Variants in PSME4 observed in about 807,000 individuals in gnomAD.
PSME4 encodes proteasome activator complex subunit 4.
PSME4 carries 89 observed loss-of-function variants against 253.9 expected under a neutral mutation model. The observed-to-expected ratio is 0.35, with a 90% CI of 0.30 to 0.42. The LOEUF is 0.42. Ranked by LOEUF, PSME4 falls within the 10% of genes least tolerant of loss-of-function variation. The probability of loss-of-function intolerance (pLI) is 1.00; values close to 1 mark genes in which losing one functional copy is unlikely to be tolerated. For synonymous variants in PSME4, 851 were observed against 759.2 expected (o/e 1.12, Z -1.99); for missense variants, 2,014 against 2,195.2 (o/e 0.92, Z 1.65).
chr2:53,950,783 G>T (rs1352924931), intron 1 of PSME4, among the ~76,000 whole-genome samples: 3 of 150,208 alleles, frequency 2.0e-5, no homozygotes, highest in African/African-American at 7.3e-5. Context: ...GGAGGTTGCG[G>T]TGAGCCAAGA....
At position 53,970,738 on chromosome 2, in the gene PSME4, C is replaced by A; in HGVS notation, c.47G>T (p.Gly16Val). 1 of 1,547,126 alleles carries A rather than the reference C, an allele frequency of 6.5e-7. No homozygotes were observed. The highest frequency in any genetic ancestry group is 1.2e-5 in the South Asian group (1 of 83,890). Residue 16 changes from glycine to valine, a missense_variant, in exon 1 of 47, where the codon GGC (glycine) becomes GTC (valine). By Grantham distance (109) the Gly-to-Val change is moderately radical. This residue lies in a region of PSME4 where 615 missense variants were observed against 594.4 expected (regional missense o/e 1.03). Transcript: ENST00000404125. ...RAGVGEPPEP[G>V]GRPEPGPRGF... ...CCGCGGGCCCGGCTCGGGACGCCCG[C>A]CCGGCTCCGGGGGCTCTCCGACTCC... is the stretch of plus-strand genomic sequence containing the variant.
intron 34 of PSME4, 150 bp from the exon 35 acceptor site, chr2:53,893,949 T>C (rs1316243414): frequency 1.6e-6 from 2 of 1,271,560 alleles, no homozygotes; most frequent in East Asian, 3.2e-5. Flanking sequence ...CTACAGTGAT[T>C]TCTAAAACCA....
intron 1 of PSME4, among the ~76,000 whole-genome samples, chr2:53,963,322 C>T (rs543455202): frequency 6.6e-6 from 1 of 151,950 alleles, no homozygotes; most frequent in Non-Finnish European, 1.5e-5. Context: ...GAGACCAAGA[C>T]CATCTCTTCA....
At position 53,970,803 on chromosome 2, in the gene PSME4, C is replaced by G. The variant is rs1436669740; in HGVS notation, c.-19G>C. 9 of 1,487,598 alleles carry G rather than the reference C, an allele frequency of 6.1e-6. No homozygotes were observed. Among genetic ancestry groups the G allele is most frequent in the East Asian group, 2.5e-5 (1 of 39,860 alleles). The allele number at this position is 1,487,598 out of a possible 1,614,324, so 92.1% of individuals were successfully genotyped here. ...GCTCCATGAGCCCAGGGACACCCCC[C>G]CCACCCCCTCCCACCCGAACCCTCC... On this transcript the variant is annotated 5_prime_UTR_variant, in exon 1 of 47. Transcript: ENST00000404125.
At chr2:53,937,045 T>C (rs1669158687) in intron 5 of PSME4, among the ~76,000 whole-genome samples, 2 of 152,232 alleles carry the variant, frequency 1.3e-5, no homozygotes, top group South Asian at 2.1e-4. Context: ...CAGATTAAAC[T>C]TCTGCTTCAT....
At position 53,936,080 on chromosome 2, in the gene PSME4, T is replaced by C; in HGVS notation, c.834+7A>G. On this transcript the variant is annotated splice_region_variant and intron_variant, in intron 7 of 46. Coordinates refer to ENST00000404125, the MANE Select transcript of PSME4 (RefSeq NM_014614.3). Reference sequence around the variant, plus strand: ...CTGATAATTTTTTTCCCCAAAATGTTAATTACCTTTGGTACATATGGATCC... The same window carrying C: ...CTGATAATTTTTTTCCCCAAAATGTCAATTACCTTTGGTACATATGGATCC... 6.2e-7 allele frequency: 1 copy of C among 1,610,492 alleles called. No individual in the cohort carries two copies. Among genetic ancestry groups the C allele is most frequent in the Non-Finnish European group, 8.5e-7 (1 of 1,178,268 alleles).
At chr2:53,887,530 A>G in intron 39 of PSME4, 63 bp from the exon 40 acceptor site, 1 of 1,419,604 alleles carries the variant, frequency 7.0e-7, no homozygotes, top group Non-Finnish European at 9.7e-7. Context: ...ATGAGGTTCA[A>G]AAGTTATGAC....
chr2:53,936,773 T>C lies in PSME4; in HGVS notation c.750A>G (p.Gln250=), dbSNP rs138053316. ...GLWVSVQNLP[Q]WEGQLVNLFA... is the part of the protein sequence containing the mutation. ...AAAAAGGGATACTTACCCCCTCCCATTGTGGGAGATTTTGCACTGAAACCC... is the reference window on the plus strand; with the variant it reads ...AAAAAGGGATACTTACCCCCTCCCACTGTGGGAGATTTTGCACTGAAACCC... The change falls in exon 6 of 47, where the codon CAA becomes CAG. Residue 250 remains glutamine, a synonymous_variant. Coordinates refer to ENST00000404125, the MANE Select transcript of PSME4 (RefSeq NM_014614.3). 8.2e-5 allele frequency: 130 copies of C among 1,588,306 alleles called. No homozygotes were observed. The African/African-American group carries it at 1.4e-3, about 17-fold the overall frequency.
intron 41 of PSME4, 39 bp from the exon 42 acceptor site, chr2:53,875,794 A>T: frequency 1.3e-6 from 2 of 1,588,022 alleles, no homozygotes; most frequent in Non-Finnish European, 1.7e-6. Flanking sequence ...TGGAAAAATA[A>T]TTGCCAATAA....
At chr2:53,936,239 T>C in intron 6 of PSME4, 78 bp from the exon 7 acceptor site, 1 of 1,571,660 alleles carries the variant, frequency 6.4e-7, no homozygotes, top group Admixed American at 1.8e-5. Flanking sequence ...CCTCCTCCAT[T>C]TGTTCTTTTT....
chr2:53,886,541 A>G (rs1256786065), intron 40 of PSME4, among the ~76,000 whole-genome samples: 1 of 152,244 alleles, frequency 6.6e-6, no homozygotes, highest in Admixed American at 6.5e-5. Flanking sequence ...TACTTTAAAA[A>G]AGCAAGCAAA....
At position 53,928,405 on chromosome 2, in the gene PSME4, G is replaced by C. The variant is rs1333795480; in HGVS notation, c.1317-102C>G. 1.8e-5 allele frequency: 17 copies of C among 945,108 alleles called. No individual in the cohort carries two copies. In the Admixed American group the frequency reaches 2.6e-4, roughly 14 times the overall value. 58.5% of individuals were successfully genotyped at this position (945,108 alleles called of 1,614,324 possible). On this transcript the variant is annotated intron_variant, in intron 10 of 46. Transcript: ENST00000404125. Reference sequence around the variant, plus strand: ...TTCATAAACTGCACTTTGACTTAAAGGCTTACAGTTAGCAAAATACTCAGA... The same window carrying C: ...TTCATAAACTGCACTTTGACTTAAACGCTTACAGTTAGCAAAATACTCAGA...
At chr2:53,919,033 C>T (rs955022254) in intron 20 of PSME4, 118 bp downstream of exon 20, 6 of 1,009,510 alleles carry the variant, frequency 5.9e-6, no homozygotes, top group African/African-American at 1.7e-5. Context: ...TTAACAGTGA[C>T]AAATAAAAAG....
chr2:53,923,118 A>G lies in PSME4; in HGVS notation c.1909T>C (p.Cys637Arg). Residue 637 changes from cysteine (C) to arginine (R), a missense_variant and splice_region_variant, in exon 16 of 47, where the codon TGC becomes CGC. Physicochemically the swap from Cys to Arg is radical, Grantham distance 180. Coordinates refer to ENST00000404125, the MANE Select transcript of PSME4 (RefSeq NM_014614.3). ...AGCTTCAAAGATTCTTCTGGGCAGC[A>G]CTGAAAATGTATTTGTATAAGTAAG... Reference protein sequence around the residue: ...VADMCRAAVKCCPEESLKLFV... With the variant: ...VADMCRAAVKRCPEESLKLFV... 1 of 1,603,932 alleles carries G rather than the reference A, an allele frequency of 6.2e-7. No individual in the cohort carries two copies. Among genetic ancestry groups the G allele is most frequent in the Non-Finnish European group, 8.5e-7 (1 of 1,174,546 alleles).
intron 18 of PSME4, among the ~76,000 whole-genome samples, chr2:53,920,676 A>G (rs1355923044): frequency 2.0e-5 from 3 of 152,242 alleles, no homozygotes; most frequent in Admixed American, 2.0e-4. Flanking sequence ...TAAGGAATAT[A>G]TACGAAGTTG....
chr2:53,880,868 T>C (rs1462704533), intron 41 of PSME4, among the ~76,000 whole-genome samples: 1 of 152,046 alleles, frequency 6.6e-6, no homozygotes, highest in Non-Finnish European at 1.5e-5. Flanking sequence ...AAATATGAGG[T>C]GATTTAGAGT....
In PSME4 at chr2:53,949,078, C is replaced by A. The variant is rs17045436; in HGVS notation, c.383+65G>T. 3,854 of 1,463,938 alleles carry A rather than the reference C, an allele frequency of 2.6e-3. 78 individuals are homozygous for A. In the African/African-American group the frequency reaches 0.05, roughly 19 times the overall value. 90.7% of individuals were successfully genotyped at this position (1,463,938 alleles called of 1,614,324 possible). A position where few individuals can be genotyped will look rare whatever the true frequency, so the allele number is the denominator to read the frequency against. On this transcript the variant is annotated intron_variant, in intron 2 of 46. Transcript: ENST00000404125. ...GGTCTTCTTACCAAAAACACTTAGT[C>A]CTCATTCCCTAAAACCCTGAAGAAA...
chr2:53,958,818 TA>T (rs74490446), intron 1 of PSME4, among the ~76,000 whole-genome samples: 2,029 of 135,664 alleles, frequency 0.015, 34 homozygotes, highest in African/African-American at 0.046. Context: ...AATACATATT[TA>T]AAAAAAAAAA....
Position 53,932,001 on chromosome 2 carries a change from C to A in PSME4, c.1150G>T (p.Asp384Tyr), listed in dbSNP as rs1403087603. The change falls in exon 10 of 47, where the codon GAT becomes TAT. Residue 384 changes from aspartate (D) to tyrosine (Y), a missense_variant. Physicochemically the swap from Asp to Tyr is radical, Grantham distance 160. Around this residue, in one of 4 missense-constraint regions of PSME4, gnomAD observed 615 missense variants for 594.4 expected, o/e 1.03. Transcript: ENST00000404125. ...TCTTGATCAGTAAGCTTGTGGCTAT[C>A]AGGCACAGGAGTTAACCAAGAGGGC... is the stretch of plus-strand genomic sequence containing the variant. ...KKPSWLTPVP[D>Y]SHKLTDQDVT... 2 of 1,613,752 alleles carry A rather than the reference C, an allele frequency of 1.2e-6. No homozygotes were observed. The highest frequency in any genetic ancestry group is 2.7e-5 in the African/African-American group (2 of 75,034).
Sources: gnomAD v4.1 joint callset for allele counts (sites outside exome capture counted in the v4.1 genomes callset) on GRCh38, gnomAD v4.1.1 for gene constraint, gnomAD v4.1.1 regional missense constraint, MANE v1.5 for transcripts, NCBI Gene and HGNC (gene_info 2026-07-23, HGNC 2026-07-21) for gene names.